The following NEGR1 variants were observed in gnomAD, a reference collection of about 807,000 sequenced individuals.
NEGR1 encodes IgLON family member 4.
In NEGR1, 10 loss-of-function variants were observed where a neutral mutation model predicts 40.9. The observed-to-expected ratio is 0.24, with a 90% confidence interval of 0.15 to 0.42. The LOEUF is 0.42. Ranked by LOEUF, NEGR1 falls within the 10% of genes least tolerant of loss-of-function variation. The probability of loss-of-function intolerance (pLI) is 1.00; values close to 1 mark genes in which losing one functional copy is unlikely to be tolerated. For synonymous variants in NEGR1, 185 were observed against 166.8 expected, an observed-to-expected ratio of 1.11 and a Z score of -0.84; for missense variants, 352 against 438.9, an observed-to-expected ratio of 0.80 and a Z score of 1.77.
At chr1:72,032,124 T>A (rs999794205) in intron 1 of NEGR1, among the ~76,000 whole-genome samples, 2 of 152,182 alleles carry the variant, frequency 1.3e-5, no homozygotes, top group African/African-American at 4.8e-5. Context: ...CAATAATCAT[T>A]CTGCATATGG....
chr1:71,768,699 G>A (rs1433026274), intron 3 of NEGR1, among the ~76,000 whole-genome samples: 1 of 152,134 alleles, frequency 6.6e-6, no homozygotes, highest in Non-Finnish European at 1.5e-5. Flanking sequence ...ATTTTTAGGA[G>A]GTGTCAGTGT....
intron 4 of NEGR1, among the ~76,000 whole-genome samples, chr1:71,686,128 C>T (rs1048287089): frequency 6.6e-6 from 1 of 152,052 alleles, no homozygotes; most frequent in African/African-American, 2.4e-5. Flanking sequence ...CATTATCTCT[C>T]TACTCTTCTC....
chr1:71,615,678 AG>A (rs1380409730), intron 4 of NEGR1, among the ~76,000 whole-genome samples: 5 of 152,196 alleles, frequency 3.3e-5, no homozygotes, highest in Non-Finnish European at 7.3e-5. Context: ...CAGATTCTAT[AG>A]GGTCTAGTAG....
chr1:72,012,033 T>C (rs1473122925), intron 1 of NEGR1, among the ~76,000 whole-genome samples: 1 of 152,134 alleles, frequency 6.6e-6, no homozygotes, highest in Non-Finnish European at 1.5e-5. Context: ...TATGGATTCC[T>C]CTGGTACAAT....
At chr1:71,696,599 T>G (rs1055061398) in intron 4 of NEGR1, among the ~76,000 whole-genome samples, 1 of 151,846 alleles carries the variant, frequency 6.6e-6, no homozygotes, top group Non-Finnish European at 1.5e-5. Flanking sequence ...AAAATCAGTA[T>G]ACACATATTC....
chr1:71,570,077 A>G (rs558840398), intron 6 of NEGR1, among the ~76,000 whole-genome samples: 2 of 152,340 alleles, frequency 1.3e-5, no homozygotes, highest in South Asian at 4.1e-4. Context: ...AAAAGTTTCA[A>G]TGCAAGATAA....
chr1:72,191,344 A>G (rs1054923279), intron 1 of NEGR1, among the ~76,000 whole-genome samples: 3 of 151,754 alleles, frequency 2.0e-5, no homozygotes, highest in African/African-American at 4.8e-5. Flanking sequence ...GAATAGTTCC[A>G]AAAGTAAATC....
At chr1:71,912,596 T>C (rs565741207) in intron 2 of NEGR1, among the ~76,000 whole-genome samples, 2 of 152,284 alleles carry the variant, frequency 1.3e-5, no homozygotes, top group South Asian at 2.1e-4. Context: ...GCATTTATGA[T>C]TTGTATGTCT....
At chr1:71,425,349 G>A (rs376050394) in intron 6 of NEGR1, among the ~76,000 whole-genome samples, 7 of 152,252 alleles carry the variant, frequency 4.6e-5, no homozygotes, top group African/African-American at 1.7e-4. Context: ...ACTGAAAGCA[G>A]CAACAGAGAT....
chr1:71,416,248 T>G (rs1408767865), intron 6 of NEGR1, among the ~76,000 whole-genome samples: 1 of 152,196 alleles, frequency 6.6e-6, no homozygotes, highest in African/African-American at 2.4e-5. Context: ...GTGAAATTAT[T>G]TAAGCTTTTA....
chr1:71,736,077 A>T (rs1336493279), intron 3 of NEGR1, among the ~76,000 whole-genome samples: 1 of 152,124 alleles, frequency 6.6e-6, no homozygotes, highest in Non-Finnish European at 1.5e-5. Flanking sequence ...CAGTGTAGAA[A>T]GCTCAAAATT....
At chr1:72,240,263 C>T (rs1654688918) in intron 1 of NEGR1, among the ~76,000 whole-genome samples, 1 of 151,780 alleles carries the variant, frequency 6.6e-6, no homozygotes, top group African/African-American at 2.4e-5. Flanking sequence ...AGCAGACCAT[C>T]CACATCAATT....
chr1:72,252,141 T>C (rs1315857311), intron 1 of NEGR1, among the ~76,000 whole-genome samples: 3 of 152,046 alleles, frequency 2.0e-5, no homozygotes, highest in Non-Finnish European at 4.4e-5. Context: ...GTTTTGCTCT[T>C]GTTTTCCAGG....
At chr1:71,822,052 T>A (rs1658448425) in intron 2 of NEGR1, among the ~76,000 whole-genome samples, 1 of 151,924 alleles carries the variant, frequency 6.6e-6, no homozygotes, top group Non-Finnish European at 1.5e-5. Flanking sequence ...GAGCCAAAAA[T>A]GGACAGCAGC....
At chr1:71,460,023 T>G (rs544427371) in intron 6 of NEGR1, among the ~76,000 whole-genome samples, 1 of 152,340 alleles carries the variant, frequency 6.6e-6, no homozygotes, top group Admixed American at 6.5e-5. Flanking sequence ...CTTCCATATC[T>G]TTTAGTGCTA....
At chr1:71,767,651 G>T (rs1656177927) in intron 3 of NEGR1, among the ~76,000 whole-genome samples, 1 of 152,202 alleles carries the variant, frequency 6.6e-6, no homozygotes, top group African/African-American at 2.4e-5. Context: ...CAAGATGGCT[G>T]CAGAAATCTG....
At chr1:72,246,659 G>A (rs1654912611) in intron 1 of NEGR1, among the ~76,000 whole-genome samples, 2 of 152,112 alleles carry the variant, frequency 1.3e-5, no homozygotes, top group South Asian at 4.1e-4. Flanking sequence ...AATAAGTCTT[G>A]CAAGCTGCTG....
At chr1:72,140,553 C>T (rs1650633230) in intron 1 of NEGR1, among the ~76,000 whole-genome samples, 2 of 152,008 alleles carry the variant, frequency 1.3e-5, no homozygotes, top group African/African-American at 4.8e-5. Flanking sequence ...TCTTAAGGGT[C>T]TCACTTCTTA....
intron 1 of NEGR1, among the ~76,000 whole-genome samples, chr1:72,274,317 C>T (rs896898574): frequency 6.6e-6 from 1 of 151,928 alleles, no homozygotes; most frequent in Non-Finnish European, 1.5e-5. Context: ...CTATTTGGGC[C>T]CTGCCATAAC....
Sources: gnomAD v4.1 joint callset for allele counts (sites outside exome capture counted in the v4.1 genomes callset) on GRCh38, gnomAD v4.1.1 for gene constraint, MANE v1.5 for transcripts, NCBI Gene and HGNC (gene_info 2026-07-23, HGNC 2026-07-21) for gene names.